UBE3D: variants seen among roughly 807,000 people sequenced by gnomAD.
UBE3D encodes E3 ubiquitin-protein ligase E3D.
Under a neutral mutation model 49.6 loss-of-function variants are expected in UBE3D, and 48 were observed. The ratio of observed to expected loss-of-function variants is 0.97; its 90% CI spans 0.77 to 1.23. UBE3D has a LOEUF of 1.23. Among genes scored for constraint, UBE3D ranks in the 50% most tolerant of loss-of-function variants. UBE3D has a pLI of 0.00. For synonymous variants in UBE3D, 189 were observed against 174.2 expected (o/e 1.08, Z -0.67); for missense variants, 452 against 468.4 (o/e 0.96, Z 0.32).
rs192861638 is a variant in UBE3D, at chr6:83,019,016, C to A, written c.967G>T (p.Val323Phe). ...KADSSSAWSA[V>F]KVLYQPCIKS... ...ATGCATGGCTGGTAGAGGACCTTGA[C>A]AGCACTCCAGGCAGAACTAGAATCG... is the stretch of plus-strand genomic sequence containing the variant. Residue 323 changes from valine (V) to phenylalanine (F), a missense_variant, in exon 8 of 10, where the codon GTC becomes TTC. By Grantham distance (50) the Val-to-Phe change is conservative. Coordinates refer to ENST00000369747, the MANE Select transcript of UBE3D (RefSeq NM_198920.3). 3 of 1,613,774 alleles carry A rather than the reference C, an allele frequency of 1.9e-6. No individual in the cohort carries two copies. In the East Asian group the frequency reaches 6.7e-5, roughly 36 times the overall value.
At chr6:82,884,158 C>G in the UBE3D span, among the ~76,000 whole-genome samples, 4 of 152,122 alleles carry the variant, frequency 2.6e-5, no homozygotes, top group Non-Finnish European at 5.9e-5. Context: ...CAGGGAAACA[C>G]CCATTTTGGG....
chr6:82,976,150 C>CG (rs34771095), intron 8 of UBE3D, among the ~76,000 whole-genome samples: 2 of 152,136 alleles, frequency 1.3e-5, no homozygotes, highest in Non-Finnish European at 2.9e-5. Context: ...AGAAACAAAC[C>CG]GGGGAATGTG....
rs192314953 is a variant in UBE3D at position 82,973,421 on chromosome 6, G to A, written c.1011-15971C>T. Among the ~76,000 whole-genome samples, 695 of 152,212 alleles carry A rather than the reference G, an allele frequency of 4.6e-3. 5 individuals are homozygous for A. The highest frequency in any genetic ancestry group is 0.015 in the African/African-American group (642 of 41,518). On this transcript the variant is annotated intron_variant, in intron 8 of 9. Coordinates refer to ENST00000369747, the MANE Select transcript of UBE3D (RefSeq NM_198920.3). ...ATGCACTAAAAGGCATCTCCTCCCC[G>A]AAGAGCACCTTGAGTTGAAGAGAAA...
chr6:82,946,911 A>C (rs1775447954), intron 9 of UBE3D, among the ~76,000 whole-genome samples: 1 of 151,672 alleles, frequency 6.6e-6, no homozygotes, highest in African/African-American at 2.4e-5. Context: ...TACAACAGGC[A>C]CAGAAAAAAA....
intron 8 of UBE3D, among the ~76,000 whole-genome samples, chr6:82,966,072 A>AT (rs911100991): frequency 1.5e-3 from 225 of 151,442 alleles, no homozygotes; most frequent in African/African-American, 5.0e-3. Flanking sequence ...CCGCCTCATT[A>AT]TTTTTTTTTA....
At chr6:82,903,702 A>G (rs1044435817) in intron 9 of UBE3D, among the ~76,000 whole-genome samples, 1 of 152,218 alleles carries the variant, frequency 6.6e-6, no homozygotes, top group Non-Finnish European at 1.5e-5. Flanking sequence ...TAATATAGCC[A>G]TTTAAGAATA....
intron 3 of UBE3D, among the ~76,000 whole-genome samples, chr6:83,051,317 A>G (rs537043864): frequency 3.9e-5 from 6 of 152,272 alleles, no homozygotes; most frequent in African/African-American, 1.4e-4. Flanking sequence ...GGTCAGGGTT[A>G]GGGAGAGTGA....
chr6:82,971,413 C>G (rs1447049143), intron 8 of UBE3D, among the ~76,000 whole-genome samples: 2 of 151,606 alleles, frequency 1.3e-5, no homozygotes, highest in Non-Finnish European at 2.9e-5. Flanking sequence ...TAATAACATT[C>G]TCATAAATAA....
chr6:82,985,008 CTTT>C (rs70987727), intron 8 of UBE3D, among the ~76,000 whole-genome samples: 2 of 52,996 alleles, frequency 3.8e-5, no homozygotes, highest in South Asian at 1.0e-3. Flanking sequence ...TCTTCTTCTT[CTTT>C]TTTTTTTTTT....
chr6:83,001,384 CCTT>C (rs1779624706), intron 8 of UBE3D, among the ~76,000 whole-genome samples: 1 of 152,200 alleles, frequency 6.6e-6, no homozygotes, highest in African/African-American at 2.4e-5. Flanking sequence ...GAATCAATGA[CCTT>C]CTCTAATACC....
intron 8 of UBE3D, among the ~76,000 whole-genome samples, chr6:82,983,883 CTTT>C (rs1409167495): frequency 1.3e-5 from 2 of 152,128 alleles, no homozygotes; most frequent in Non-Finnish European, 2.9e-5. Context: ...TGGAGCACTT[CTTT>C]GTGTGTTTAT....
At chr6:82,921,415 C>T (rs567447304) in intron 9 of UBE3D, among the ~76,000 whole-genome samples, 1 of 152,278 alleles carries the variant, frequency 6.6e-6, no homozygotes, top group East Asian at 1.9e-4. Context: ...TGTGCTTGTG[C>T]TTTAAACCTA....
intron 5 of UBE3D, among the ~76,000 whole-genome samples, chr6:83,031,680 A>C (rs750794619): frequency 3.3e-5 from 5 of 152,206 alleles, no homozygotes; most frequent in African/African-American, 7.2e-5. Context: ...TCACTAAGAC[A>C]ATGAGGAAAG....
At chr6:83,004,888 C>T (rs1436505434) in intron 8 of UBE3D, among the ~76,000 whole-genome samples, 1 of 152,138 alleles carries the variant, frequency 6.6e-6, no homozygotes, top group Non-Finnish European at 1.5e-5. Flanking sequence ...ACAGTCTCTG[C>T]CACATCAGGT....
intron 8 of UBE3D, among the ~76,000 whole-genome samples, chr6:82,963,190 CTTTTTTTT>C (rs5877828): frequency 8.1e-6 from 1 of 123,108 alleles, no homozygotes; most frequent in Non-Finnish European, 1.7e-5. Context: ...AAGTTTTCAT[CTTTTTTTT>C]TTTTTTTTTT....
At chr6:82,916,716 C>T (rs1366730028) in intron 9 of UBE3D, among the ~76,000 whole-genome samples, 1 of 152,122 alleles carries the variant, frequency 6.6e-6, no homozygotes, top group Non-Finnish European at 1.5e-5. Context: ...AACTTTCAAA[C>T]AGGAAAAACA....
chr6:82,986,611 T>C (rs1778528316), intron 8 of UBE3D, among the ~76,000 whole-genome samples: 1 of 149,758 alleles, frequency 6.7e-6, no homozygotes, highest in Non-Finnish European at 1.5e-5. Flanking sequence ...GGGTCTTCCA[T>C]ATGTTCTAGG....
chr6:82,916,835 C>CTG (rs1481661616), intron 9 of UBE3D, among the ~76,000 whole-genome samples: 1 of 152,136 alleles, frequency 6.6e-6, no homozygotes. Context: ...CATGTAACAC[C>CTG]TGTGTGTGCT....
rs1313997963 is a variant in UBE3D at position 83,022,717 on chromosome 6, G to A, written c.738-156C>T. On this transcript the variant is annotated intron_variant, in intron 6 of 9. Transcript: ENST00000369747. ...TCATTCCCTCAGAATCTGCACTGAT[G>A]TGGATTTTAATATATTTTAATGTAT... 2.6e-5 allele frequency among the ~76,000 whole-genome samples: 4 copies of A among 152,152 alleles called. 1 individual carries two copies. Among genetic ancestry groups the A allele is most frequent in the Non-Finnish European group, 5.9e-5 (4 of 68,036 alleles).
Sources: gnomAD v4.1 joint callset for allele counts (sites outside exome capture counted in the v4.1 genomes callset) on GRCh38, gnomAD v4.1.1 for gene constraint, MANE v1.5 for transcripts, NCBI Gene and HGNC (gene_info 2026-07-23, HGNC 2026-07-21) for gene names.